PDGFRL: variants seen among roughly 807,000 people sequenced by gnomAD.
PDGFRL encodes the protein platelet derived growth factor receptor like.
In PDGFRL, 46 loss-of-function variants were observed where a neutral mutation model predicts 37.2. That is an observed-to-expected ratio of 1.24 (90% confidence interval 0.98 to 1.58). The LOEUF (loss-of-function observed/expected upper bound fraction) is 1.58, where lower values mean the gene tolerates loss of function less well. Among genes scored for constraint, PDGFRL ranks in the 40% most tolerant of loss-of-function variants. PDGFRL has a pLI of 0.00. For missense variants in PDGFRL, 692 were observed against 467.6 expected (o/e 1.48, Z -4.43); for synonymous variants, 251 against 184.3 (o/e 1.36, Z -2.93).
chr8:17,588,492 C>G (rs184532470), intron 1 of PDGFRL, among the ~76,000 whole-genome samples: 1 of 138,068 alleles, frequency 7.2e-6, no homozygotes, highest in African/African-American at 2.5e-5. Flanking sequence ...GCTTGGGCAA[C>G]ATAGCAAGGC....
intron 2 of PDGFRL, among the ~76,000 whole-genome samples, chr8:17,620,457 C>T (rs1457320596): frequency 2.0e-5 from 3 of 152,102 alleles, no homozygotes; most frequent in African/African-American, 4.8e-5. Flanking sequence ...ACCTCCTCCC[C>T]TCCTGCACAC....
Position 17,642,736 on chromosome 8 carries a change from T to A in PDGFRL, c.1063T>A (p.Tyr355Asn), listed in dbSNP as rs768739139. ...EDFETIDAGY[Y>N]ICTAQNLQGQ... Reference sequence around the variant, plus strand: ...CTTTGAGACGATTGATGCAGGATATTACATTTGCACTGCTCAGAATCTTCA... The same window carrying A: ...CTTTGAGACGATTGATGCAGGATATAACATTTGCACTGCTCAGAATCTTCA... The change falls in exon 6 of 6, where the codon TAC becomes AAC. Residue 355 changes from tyrosine (Y) to asparagine (N), a missense_variant. By Grantham distance (143) the Tyr-to-Asn change is moderately radical. Transcript: ENST00000251630. 2 of 1,608,788 alleles carry A rather than the reference T, an allele frequency of 1.2e-6. No individual in the cohort carries two copies. The highest frequency in any genetic ancestry group is 1.7e-6 in the Non-Finnish European group (2 of 1,175,054).
At chr8:17,609,634 T>TAAAAAAAAAAAAAAAAA (rs3040922) in intron 2 of PDGFRL, among the ~76,000 whole-genome samples, 1 of 43,502 alleles carries the variant, frequency 2.3e-5, no homozygotes. Context: ...TGAGACTCTG[T>TAAAAAAAAAAAAAAAAA]AAAAAAAAAA....
At chr8:17,599,957 A>G (rs1199216233) in intron 2 of PDGFRL, among the ~76,000 whole-genome samples, 1 of 152,108 alleles carries the variant, frequency 6.6e-6, no homozygotes, top group African/African-American at 2.4e-5. Context: ...TGGATCATCA[A>G]CATCTCCTTG....
intron 2 of PDGFRL, among the ~76,000 whole-genome samples, chr8:17,608,094 T>G (rs10109530): frequency 0.14 from 20,798 of 152,164 alleles, 1,529 homozygotes; most frequent in East Asian, 0.2. Context: ...TCCTGGGGCC[T>G]CAGGGGCCTG....
intron 2 of PDGFRL, among the ~76,000 whole-genome samples, chr8:17,611,152 G>T (rs1181067342): frequency 6.6e-6 from 1 of 152,146 alleles, no homozygotes; most frequent in Admixed American, 6.5e-5. Flanking sequence ...CCTCTAGCTG[G>T]CCTTGTAACC....
intron 5 of PDGFRL, among the ~76,000 whole-genome samples, chr8:17,636,085 A>G (rs1285033747): frequency 6.6e-6 from 1 of 152,126 alleles, no homozygotes; most frequent in African/African-American, 2.4e-5. Flanking sequence ...TATTCTACTG[A>G]TTATTTCTTT....
At chr8:17,607,278 C>A (rs183860920) in intron 2 of PDGFRL, among the ~76,000 whole-genome samples, 5 of 150,428 alleles carry the variant, frequency 3.3e-5, no homozygotes, top group Admixed American at 1.3e-4. Flanking sequence ...CTAGATCACC[C>A]ATTGCTCGTC....
intron 5 of PDGFRL, among the ~76,000 whole-genome samples, chr8:17,641,787 G>T (rs76757544): frequency 0.015 from 2,348 of 151,726 alleles, 58 homozygotes; most frequent in African/African-American, 0.054. Flanking sequence ...GTGATTGGTA[G>T]AAAATAACTG....
At chr8:17,632,332 C>T (rs112631157) in intron 4 of PDGFRL, among the ~76,000 whole-genome samples, 2,224 of 150,410 alleles carry the variant, frequency 0.015, 26 homozygotes, top group Non-Finnish European at 0.023. Flanking sequence ...CCATTTTCCA[C>T]ACTGTAGCTG....
intron 5 of PDGFRL, among the ~76,000 whole-genome samples, chr8:17,640,898 G>C (rs563800512): frequency 1.4e-3 from 209 of 152,104 alleles, no homozygotes; most frequent in African/African-American, 4.8e-3. Context: ...TTAGTTGGGG[G>C]TGGGCTAGGC....
chr8:17,578,133 C>T (rs1161421328), intron 1 of PDGFRL, among the ~76,000 whole-genome samples: 2 of 152,062 alleles, frequency 1.3e-5, no homozygotes, highest in East Asian at 3.9e-4. Flanking sequence ...TCTATTCACT[C>T]CATGGGTGTT....
intron 2 of PDGFRL, among the ~76,000 whole-genome samples, chr8:17,610,568 T>G (rs774817967): frequency 6.6e-6 from 1 of 152,182 alleles, no homozygotes; most frequent in Non-Finnish European, 1.5e-5. Flanking sequence ...GTAACCCATA[T>G]ACATCTGAGT....
intron 4 of PDGFRL, among the ~76,000 whole-genome samples, chr8:17,632,343 ATT>A (rs35632965): frequency 1.3e-4 from 19 of 145,044 alleles, no homozygotes; most frequent in South Asian, 2.2e-4. Context: ...ACTGTAGCTG[ATT>A]TTTTTTTTTT....
intron 2 of PDGFRL, among the ~76,000 whole-genome samples, chr8:17,612,810 T>C (rs1391757951): frequency 1.3e-5 from 2 of 152,230 alleles, no homozygotes; most frequent in East Asian, 1.9e-4. Context: ...TCTTCTAGTT[T>C]TGTATTTAGT....
At chr8:17,594,704 G>C (rs1287768851) in intron 2 of PDGFRL, among the ~76,000 whole-genome samples, 9 of 152,146 alleles carry the variant, frequency 5.9e-5, no homozygotes, top group Non-Finnish European at 1.5e-5. Context: ...ACAGGCACGT[G>C]CCACCATGCC....
intron 2 of PDGFRL, among the ~76,000 whole-genome samples, chr8:17,617,156 GA>G (rs1286707415): frequency 3.3e-5 from 5 of 152,130 alleles, no homozygotes; most frequent in Admixed American, 2.6e-4. Context: ...CTTAAAATTT[GA>G]ACACTTTCAC....
chr8:17,627,016 C>T (rs571048304), intron 3 of PDGFRL, among the ~76,000 whole-genome samples: 10 of 152,298 alleles, frequency 6.6e-5, no homozygotes, highest in South Asian at 2.1e-4. Context: ...CATTCCCCTC[C>T]GCTAACCTTG....
intron 2 of PDGFRL, among the ~76,000 whole-genome samples, chr8:17,616,254 C>T (rs1804524945): frequency 1.3e-5 from 2 of 151,840 alleles, no homozygotes; most frequent in Non-Finnish European, 2.9e-5. Context: ...GAGTGCAGTG[C>T]CGCAATCTCA....
Sources: gnomAD v4.1 joint callset for allele counts (sites outside exome capture counted in the v4.1 genomes callset) on GRCh38, gnomAD v4.1.1 for gene constraint, MANE v1.5 for transcripts, NCBI Gene and HGNC (gene_info 2026-07-23, HGNC 2026-07-21) for gene names.